PLG: variants seen among roughly 807,000 people sequenced by gnomAD.
PLG encodes the protein plasminogen.
In PLG, 41 loss-of-function variants were observed where a neutral mutation model predicts 104.4. That is an observed-to-expected ratio of 0.39 (90% CI 0.31 to 0.51). PLG has a LOEUF of 0.51. Among genes scored for constraint, PLG ranks in the 20% least tolerant of loss-of-function variants. The pLI is 0.76. For missense variants in PLG, 891 were observed against 1,003.6 expected (o/e 0.89, Z 1.52); for synonymous variants, 337 against 357.1 (o/e 0.94, Z 0.63).
chr6:160,744,234 G>A lies in PLG; in HGVS notation c.2125+2817G>A, dbSNP rs946332596. On this transcript the variant is annotated intron_variant, in intron 17 of 18. Transcript: ENST00000308192. This position sits in a 1 kb window ranked among gnomAD's most constrained non-coding sequence, Gnocchi z 4.5. ...TTTTTGAACGGTTTCAGTAGGAATG[G>A]TCATAGCTCTTCTTTGTACATCTGG... Among the ~76,000 whole-genome samples the A allele has an allele frequency of 9.2e-5, 14 of 152,182 alleles. No individual in the cohort carries two copies. Among genetic ancestry groups the A allele is most frequent in the Admixed American group, 3.9e-4 (6 of 15,282 alleles).
intron 4 of PLG, 58 bp from the exon 5 acceptor site, chr6:160,712,928 C>G: frequency 7.3e-7 from 1 of 1,379,266 alleles, no homozygotes; most frequent in Non-Finnish European, 1.0e-6. Context: ...TTCTGCCTTG[C>G]TAATAGCAAG....
chr6:160,740,397 T>A lies in PLG; in HGVS notation c.2019-914T>A, dbSNP rs1263918493. ...GTTCTGATGGCTTGAACAAGTAATT[T>A]GGAAATTTTGGGTTTTGGAGGAGTT... On this transcript the variant is annotated intron_variant, in intron 16 of 18. Coordinates refer to ENST00000308192, the MANE Select transcript of PLG (RefSeq NM_000301.5). The surrounding 1 kb of genome is among the most constrained non-coding windows in gnomAD (Gnocchi z 5.2). Among the ~76,000 whole-genome samples the A allele has an allele frequency of 6.6e-6, 1 of 152,116 alleles. No homozygotes were observed. The highest frequency in any genetic ancestry group is 6.5e-5 in the Admixed American group (1 of 15,272).
At chr6:160,706,146 G>C in intron 1 of PLG, 2 of 514,662 alleles carry the variant, frequency 3.9e-6, no homozygotes, top group Non-Finnish European at 7.2e-6. Flanking sequence ...TAAATAGGTA[G>C]TTTTTCAGCC....
intron 3 of PLG, chr6:160,708,297 A>T (rs563288810): frequency 6.5e-6 from 1 of 153,762 alleles, no homozygotes; most frequent in Non-Finnish European, 1.4e-5. Flanking sequence ...TTTGGGGGAC[A>T]TGGTCTATAT....
chr6:160,718,095 C>CA (rs1777770941), intron 7 of PLG, among the ~76,000 whole-genome samples, 199 bp from the exon 8 acceptor site: 2 of 152,162 alleles, frequency 1.3e-5, no homozygotes, highest in African/African-American at 2.4e-5. Context: ...ACTAAAAATA[C>CA]AAAAAAATTA....
rs1223478588 is a variant in PLG, at chr6:160,738,068, AGT to A, written c.1803-469_1803-468del. The stretch of plus-strand genomic sequence containing the variant: ...TTCAGGAAACATTCCCCAAAAGTAA[AGT>A]TTCTCAGGTAAGATCAGAAGACTCC... On this transcript the variant is annotated intron_variant, in intron 14 of 18. Coordinates refer to ENST00000308192, the MANE Select transcript of PLG (RefSeq NM_000301.5). The surrounding 1 kb of genome is among the most constrained non-coding windows in gnomAD (Gnocchi z 6.8). Among the ~76,000 whole-genome samples, 1 of 152,212 alleles carries A rather than the reference AGT, an allele frequency of 6.6e-6. No individual in the cohort carries two copies. Among genetic ancestry groups the A allele is most frequent in the African/African-American group, 2.4e-5 (1 of 41,446 alleles).
intron 6 of PLG, among the ~76,000 whole-genome samples, chr6:160,716,139 G>C (rs1777725729): frequency 6.6e-6 from 1 of 152,212 alleles, no homozygotes; most frequent in Non-Finnish European, 1.5e-5. Flanking sequence ...GGCTCTGTTA[G>C]GTACTAGATG....
intron 17 of PLG, 115 bp from the exon 18 acceptor site, chr6:160,752,000 C>A: frequency 1.2e-6 from 1 of 867,664 alleles, no homozygotes; most frequent in Non-Finnish European, 1.9e-6. Flanking sequence ...TTGGGAGCTG[C>A]CTCGTGTTCT....
chr6:160,715,626 C>T (rs1030374566), intron 6 of PLG, among the ~76,000 whole-genome samples: 1 of 150,928 alleles, frequency 6.6e-6, no homozygotes, highest in African/African-American at 2.4e-5. Flanking sequence ...CCTCTTCATT[C>T]TATGATGACT....
intron 10 of PLG, among the ~76,000 whole-genome samples, chr6:160,730,015 C>G (rs961226222): frequency 8.5e-5 from 13 of 152,156 alleles, no homozygotes; most frequent in Admixed American, 7.2e-4. Flanking sequence ...TGTAGAGTCG[C>G]TAGAGAGACA....
At chr6:160,712,102 A>C in intron 4 of PLG, 1 of 221,150 alleles carries the variant, frequency 4.5e-6, no homozygotes. Flanking sequence ...AGTTAATGAA[A>C]ACTGATTCAA....
At chr6:160,745,166 T>A (rs1236950398) in intron 17 of PLG, among the ~76,000 whole-genome samples, 1 of 152,156 alleles carries the variant, frequency 6.6e-6, no homozygotes, top group African/African-American at 2.4e-5. Flanking sequence ...GTCTATCAGA[T>A]CCATTTGGTC....
chr6:160,725,292 A>C lies in PLG; in HGVS notation c.1256+2725A>C, dbSNP rs1385720995. Among the ~76,000 whole-genome samples, 2 of 152,208 alleles carry C rather than the reference A, an allele frequency of 1.3e-5. No homozygotes were observed. Among genetic ancestry groups the C allele is most frequent in the Non-Finnish European group, 1.5e-5 (1 of 68,048 alleles). ...GATAGCAATGTATTGCTACTTTAAC[A>C]TATGTAAAAGTAAAAATTTCTAAAT... On this transcript the variant is annotated intron_variant, in intron 10 of 18. Transcript: ENST00000308192. This position sits in a 1 kb window ranked among gnomAD's most constrained non-coding sequence, Gnocchi z 6.3.
intron 7 of PLG, among the ~76,000 whole-genome samples, chr6:160,718,014 G>A (rs1777768811): frequency 6.6e-6 from 1 of 152,188 alleles, no homozygotes; most frequent in Non-Finnish European, 1.5e-5. Flanking sequence ...CACTTCCGGA[G>A]GCCGAGGTGG....
In PLG at chr6:160,739,378, C is replaced by G. The variant is rs1778147292; in HGVS notation, c.2018+170C>G. Among the ~76,000 whole-genome samples the G allele has an allele frequency of 6.6e-6, 1 of 152,084 alleles. No individual in the cohort carries two copies. The highest frequency in any genetic ancestry group is 2.4e-5 in the African/African-American group (1 of 41,404). ...TCTTCAACCCTAGCCCTGCCACATG[C>G]TAGCTGTGCTCTTGAGAAAGGCAGC... On this transcript the variant is annotated intron_variant, in intron 16 of 18. Coordinates refer to ENST00000308192, the MANE Select transcript of PLG (RefSeq NM_000301.5). The surrounding 1 kb of genome is among the most constrained non-coding windows in gnomAD (Gnocchi z 4.4).
At chr6:160,748,796 G>T (rs1401579004) in intron 17 of PLG, among the ~76,000 whole-genome samples, 1 of 152,210 alleles carries the variant, frequency 6.6e-6, no homozygotes, top group Non-Finnish European at 1.5e-5. Context: ...TCTCGTGGCT[G>T]CAGATGCTGT....
chr6:160,750,747 G>A (rs531325867), intron 17 of PLG, among the ~76,000 whole-genome samples: 4 of 152,166 alleles, frequency 2.6e-5, no homozygotes, highest in Non-Finnish European at 5.9e-5. Context: ...GAAAGAGAGA[G>A]TGCCTCGGTT....
chr6:160,704,514 C>T (rs1306826985), intron 1 of PLG, among the ~76,000 whole-genome samples: 4 of 152,216 alleles, frequency 2.6e-5, no homozygotes, highest in Admixed American at 1.3e-4. Flanking sequence ...TTTGAAGTCA[C>T]ACTGTGAGCT....
intron 5 of PLG, 67 bp from the exon 6 acceptor site, chr6:160,714,727 T>A: frequency 1.3e-6 from 2 of 1,539,820 alleles, no homozygotes; most frequent in Admixed American, 1.7e-5. Flanking sequence ...TGGTTTTTAC[T>A]CTCTATTTTG....
Sources: allele counts gnomAD v4.1 joint callset (sites outside exome capture counted in the v4.1 genomes callset), GRCh38; gene constraint gnomAD v4.1.1; non-coding constraint Gnocchi (gnomAD v3.1); transcripts MANE v1.5; gene names NCBI Gene and HGNC (gene_info 2026-07-23, HGNC 2026-07-21).